The following DYM variants were observed in gnomAD, a reference collection of about 807,000 sequenced individuals.
DYM encodes dyggve-Melchior-Clausen syndrome protein.
Under a neutral mutation model 93.1 loss-of-function variants are expected in DYM, and 78 were observed. The ratio of observed to expected loss-of-function variants is 0.84; its 90% CI spans 0.70 to 1.01. The LOEUF is 1.01. DYM is among the 50% of genes least tolerant of loss of function. The pLI is 0.00. For missense variants in DYM, 789 were observed against 845.0 expected, an observed-to-expected ratio of 0.93 and a Z score of 0.82; for synonymous variants, 321 against 319.7, an observed-to-expected ratio of 1.00 and a Z score of -0.04.
chr18:49,051,491 C>A (rs2072437924), intron 17 of DYM, among the ~76,000 whole-genome samples: 1 of 152,216 alleles, frequency 6.6e-6, no homozygotes, highest in Non-Finnish European at 1.5e-5. Context: ...GGTGTATTCC[C>A]TGCCATGCCT....
At chr18:49,456,615 T>C (rs2083005187) in intron 1 of DYM, among the ~76,000 whole-genome samples, 1 of 152,112 alleles carries the variant, frequency 6.6e-6, no homozygotes, top group Non-Finnish European at 1.5e-5. Context: ...AAGAATGTGA[T>C]AAAAATCAGA....
At chr18:49,133,879 G>A (rs1376945652) in intron 15 of DYM, among the ~76,000 whole-genome samples, 1 of 152,146 alleles carries the variant, frequency 6.6e-6, no homozygotes. Flanking sequence ...ATACCTACAG[G>A]TTCTGGGGAT....
intron 13 of DYM, among the ~76,000 whole-genome samples, chr18:49,240,906 C>T (rs555877423): frequency 2.4e-4 from 37 of 152,310 alleles, no homozygotes; most frequent in Non-Finnish European, 3.5e-4. Context: ...TTTACTATTT[C>T]GCCAAGGACA....
At chr18:49,281,896 A>C in intron 10 of DYM, 101 bp downstream of exon 10, 1 of 1,133,560 alleles carries the variant, frequency 8.8e-7, no homozygotes, top group East Asian at 2.5e-5. Context: ...TGGCACATGT[A>C]TACATATGTA....
chr18:49,165,339 G>A (rs1268495330), intron 14 of DYM, among the ~76,000 whole-genome samples: 2 of 152,198 alleles, frequency 1.3e-5, no homozygotes, highest in Non-Finnish European at 1.5e-5. Flanking sequence ...TCTTCTTTGG[G>A]ATAGATGGCA....
chr18:49,347,284 G>A (rs1331649140), intron 6 of DYM, among the ~76,000 whole-genome samples: 1 of 152,142 alleles, frequency 6.6e-6, no homozygotes, highest in East Asian at 1.9e-4. Flanking sequence ...AGACAAGGAT[G>A]AGAGGGAGAT....
At chr18:49,138,521 G>C (rs1188443676) in intron 15 of DYM, among the ~76,000 whole-genome samples, 1 of 152,112 alleles carries the variant, frequency 6.6e-6, no homozygotes, top group Non-Finnish European at 1.5e-5. Flanking sequence ...ACTGGTTTTG[G>C]TAGGTTTGGT....
chr18:49,330,177 T>C (rs1473922397), intron 8 of DYM, among the ~76,000 whole-genome samples: 2 of 152,218 alleles, frequency 1.3e-5, no homozygotes, highest in Non-Finnish European at 2.9e-5. Flanking sequence ...TACTTTTACA[T>C]GAATAGTTTT....
At chr18:49,263,528 A>G (rs1405289686) in intron 11 of DYM, among the ~76,000 whole-genome samples, 1 of 151,730 alleles carries the variant, frequency 6.6e-6, no homozygotes, top group Non-Finnish European at 1.5e-5. Flanking sequence ...CAGGAGTTCA[A>G]GACCAGCCTG....
At position 49,332,013 on chromosome 18, in the gene DYM, A is replaced by C; in HGVS notation, c.621-7T>G. The C allele has an allele frequency of 1.6e-5, 26 of 1,612,448 alleles. No homozygotes were observed. The highest frequency in any genetic ancestry group is 2.2e-5 in the Non-Finnish European group (26 of 1,179,130). The stretch of plus-strand genomic sequence containing the variant: ...TTTGCTGGTGTATGGAAGACTATAC[A>C]AAAAGGAAAAAAAAATCAAACTCAT... On this transcript the variant is annotated splice_polypyrimidine_tract_variant and splice_region_variant and intron_variant, in intron 7 of 17. Transcript: ENST00000675505.
intron 14 of DYM, among the ~76,000 whole-genome samples, chr18:49,190,559 T>C (rs1233252348): frequency 6.6e-6 from 1 of 152,204 alleles, no homozygotes; most frequent in Non-Finnish European, 1.5e-5. Flanking sequence ...TATTGGCATA[T>C]AGTATGTGCT....
At chr18:49,303,695 A>G (rs2061090936) in intron 8 of DYM, among the ~76,000 whole-genome samples, 1 of 152,220 alleles carries the variant, frequency 6.6e-6, no homozygotes, top group Non-Finnish European at 1.5e-5. Flanking sequence ...CCCAATTCTG[A>G]AGGACCACAG....
At chr18:49,203,071 C>T (rs531997690) in intron 14 of DYM, among the ~76,000 whole-genome samples, 1 of 10,604 alleles carries the variant, frequency 9.4e-5, no homozygotes, top group African/African-American at 2.2e-4. Context: ...GCCCTCCGCC[C>T]GGCCAGCCGC....
At chr18:49,165,460 T>C (rs1468135488) in intron 14 of DYM, among the ~76,000 whole-genome samples, 3 of 152,134 alleles carry the variant, frequency 2.0e-5, no homozygotes, top group Admixed American at 6.6e-5. Flanking sequence ...GTAATCCCCT[T>C]ACAAATAAAA....
At chr18:49,350,726 GA>G (rs72289769) in intron 6 of DYM, among the ~76,000 whole-genome samples, 15,634 of 119,938 alleles carry the variant, frequency 0.13, 1,197 homozygotes, top group East Asian at 0.35. Context: ...GAAAAAAAAA[GA>G]AAAAAAAAAA....
In DYM at chr18:49,292,605, A is replaced by C. The variant is rs1293018058; in HGVS notation, c.764-5989T>G. On this transcript the variant is annotated intron_variant, in intron 8 of 17. Coordinates refer to ENST00000675505, the MANE Select transcript of DYM (RefSeq NM_001353214.3). ...ATTTTCCTGTTGGAAAAAAAAAAAA[A>C]AAAAAAAAAAAAAAAAAAAACCCCC... Among the ~76,000 whole-genome samples, 577 of 68,616 alleles carry C rather than the reference A, an allele frequency of 8.4e-3. 14 individuals carry two copies. Among genetic ancestry groups the C allele is most frequent in the East Asian group, 0.024 (53 of 2,202 alleles). The allele number at this position is 68,616 out of a possible 152,430, so 45.0% of individuals were successfully genotyped here.
intron 15 of DYM, among the ~76,000 whole-genome samples, chr18:49,124,843 C>T (rs1392949986): frequency 6.6e-6 from 1 of 152,198 alleles, no homozygotes. Flanking sequence ...TAGAAAGAAT[C>T]TTCTGTATTT....
At chr18:49,060,974 G>A (rs1825255706) in intron 17 of DYM, among the ~76,000 whole-genome samples, 1 of 151,802 alleles carries the variant, frequency 6.6e-6, no homozygotes, top group Non-Finnish European at 1.5e-5. Context: ...GTAGTGAGGG[G>A]GGCATGAACA....
intron 2 of DYM, among the ~76,000 whole-genome samples, chr18:49,427,888 G>A (rs1159778035): frequency 6.6e-6 from 1 of 152,132 alleles, no homozygotes; most frequent in Non-Finnish European, 1.5e-5. Flanking sequence ...GTTCGTTCAA[G>A]ACCAGCCTGG....
Sources: allele counts gnomAD v4.1 joint callset (sites outside exome capture counted in the v4.1 genomes callset), GRCh38; gene constraint gnomAD v4.1.1; transcripts MANE v1.5; gene names NCBI Gene and HGNC (gene_info 2026-07-23, HGNC 2026-07-21).